CADPS2: variants seen among roughly 807,000 people sequenced by gnomAD.
CADPS2 encodes calcium dependent secretion activator 2.
CADPS2 carries 93 observed loss-of-function variants against 172.5 expected under a neutral mutation model. The observed-to-expected ratio is 0.54, with a 90% CI of 0.46 to 0.64. CADPS2 has a LOEUF of 0.64. Among genes scored for constraint, CADPS2 ranks in the 30% least tolerant of loss-of-function variants. The pLI, the probability that CADPS2 is intolerant of heterozygous loss-of-function variation, is 0.00. For missense variants in CADPS2, 1,420 were observed against 1,565.9 expected (o/e 0.91, Z 1.57); for synonymous variants, 546 against 555.2 (o/e 0.98, Z 0.23).
intron 6 of CADPS2, among the ~76,000 whole-genome samples, chr7:122,608,089 T>C (rs6944494): frequency 0.14 from 21,976 of 151,816 alleles, 1,740 homozygotes; most frequent in African/African-American, 0.2. Context: ...TGGTGGTGCA[T>C]GTCTGTAGTC....
chr7:122,679,435 A>T (rs2082775888), intron 2 of CADPS2, among the ~76,000 whole-genome samples: 3 of 152,044 alleles, frequency 2.0e-5, no homozygotes, highest in African/African-American at 7.2e-5. Flanking sequence ...GAATCCTGTT[A>T]AGATGTTTAT....
At chr7:122,427,736 T>C (rs185718695) in intron 17 of CADPS2, among the ~76,000 whole-genome samples, 83 of 152,296 alleles carry the variant, frequency 5.4e-4, no homozygotes, top group African/African-American at 1.9e-3. Context: ...TAACACTTTT[T>C]TTTTTCTAAG....
At chr7:122,618,043 C>CAAAAA (rs35600638) in intron 5 of CADPS2, among the ~76,000 whole-genome samples, 1 of 145,662 alleles carries the variant, frequency 6.9e-6, no homozygotes. Flanking sequence ...GATTCCATCT[C>CAAAAA]AAAAAAAAAA....
At chr7:122,520,362 T>G (rs2060690914) in intron 8 of CADPS2, among the ~76,000 whole-genome samples, 1 of 151,948 alleles carries the variant, frequency 6.6e-6, no homozygotes. Flanking sequence ...TTAAGTAGAT[T>G]CATATGTAAT....
At chr7:122,461,528 T>A (rs541801922) in intron 14 of CADPS2, among the ~76,000 whole-genome samples, 2 of 152,156 alleles carry the variant, frequency 1.3e-5, no homozygotes, top group African/African-American at 4.8e-5. Context: ...AAAAAAAGCA[T>A]CCAGAGGAAA....
chr7:122,760,732 T>C (rs2093350475), intron 1 of CADPS2, among the ~76,000 whole-genome samples: 1 of 147,956 alleles, frequency 6.8e-6, no homozygotes, highest in Non-Finnish European at 1.5e-5. Flanking sequence ...AAACACCGCA[T>C]GTTCTCACTC....
intron 7 of CADPS2, among the ~76,000 whole-genome samples, chr7:122,577,351 C>T (rs895820517): frequency 6.6e-6 from 1 of 152,112 alleles, no homozygotes; most frequent in African/African-American, 2.4e-5. Context: ...GACAACCCAC[C>T]TCAGCTCAAT....
At chr7:122,648,697 G>A (rs2078819732) in intron 3 of CADPS2, among the ~76,000 whole-genome samples, 1 of 152,256 alleles carries the variant, frequency 6.6e-6, no homozygotes, top group South Asian at 2.1e-4. Context: ...TTAGAGAGTA[G>A]GTAGTTCAGT....
chr7:122,855,732 T>A (rs1815009532), intron 1 of CADPS2, among the ~76,000 whole-genome samples: 1 of 152,184 alleles, frequency 6.6e-6, no homozygotes, highest in Admixed American at 6.5e-5. Flanking sequence ...TCTACATCTA[T>A]CTCGAGCCCT....
chr7:122,676,301 T>A (rs893478409), intron 2 of CADPS2, among the ~76,000 whole-genome samples: 2 of 152,228 alleles, frequency 1.3e-5, no homozygotes, highest in African/African-American at 4.8e-5. Flanking sequence ...CATAAAATTT[T>A]ATTAATGGCA....
intron 4 of CADPS2, among the ~76,000 whole-genome samples, chr7:122,625,856 A>G (rs898849824): frequency 6.6e-6 from 1 of 152,176 alleles, no homozygotes; most frequent in East Asian, 1.9e-4. Flanking sequence ...TATTATATAC[A>G]TATTTATTAT....
intron 15 of CADPS2, among the ~76,000 whole-genome samples, chr7:122,442,661 T>C (rs1256417466): frequency 6.6e-6 from 1 of 152,218 alleles, no homozygotes; most frequent in Non-Finnish European, 1.5e-5. Flanking sequence ...TAGAAGAGAT[T>C]GATTTCTCCT....
At chr7:122,758,849 A>C (rs1479436093) in intron 1 of CADPS2, among the ~76,000 whole-genome samples, 1 of 152,150 alleles carries the variant, frequency 6.6e-6, no homozygotes, top group Admixed American at 6.5e-5. Context: ...ACTAATCTTC[A>C]TCACCAGAGT....
intron 3 of CADPS2, among the ~76,000 whole-genome samples, chr7:122,655,683 C>T (rs191440299): frequency 1.8e-3 from 280 of 152,074 alleles, no homozygotes; most frequent in African/African-American, 6.0e-3. Context: ...ACAATATCTC[C>T]AAGGTATGCT....
At chr7:122,603,026 T>C (rs2073014276) in intron 6 of CADPS2, among the ~76,000 whole-genome samples, 1 of 152,014 alleles carries the variant, frequency 6.6e-6, no homozygotes, top group Non-Finnish European at 1.5e-5. Flanking sequence ...GCACTAGAGA[T>C]CCTTTGACGG....
chr7:122,838,561 A>T (rs1477296694), intron 1 of CADPS2, among the ~76,000 whole-genome samples: 3 of 152,232 alleles, frequency 2.0e-5, no homozygotes, highest in African/African-American at 7.2e-5. Context: ...CCTTAAGCTG[A>T]TAAGCAACTT....
chr7:122,582,995 T>A (rs1011095285), intron 6 of CADPS2, among the ~76,000 whole-genome samples: 1 of 151,936 alleles, frequency 6.6e-6, no homozygotes, highest in Non-Finnish European at 1.5e-5. Context: ...AAGAGAAAAG[T>A]GAACTTTGTC....
intron 6 of CADPS2, among the ~76,000 whole-genome samples, chr7:122,587,458 T>C (rs59716073): frequency 0.043 from 6,473 of 152,244 alleles, 146 homozygotes; most frequent in South Asian, 0.1. Context: ...TTCCTTTTTA[T>C]GGCTGTATGG....
At chr7:122,882,394 T>C (rs777877276) in intron 1 of CADPS2, among the ~76,000 whole-genome samples, 60 of 152,082 alleles carry the variant, frequency 3.9e-4, no homozygotes, top group Non-Finnish European at 7.6e-4. Flanking sequence ...TATTTCTAGT[T>C]AAAAAATACA....
Sources: gnomAD v4.1 joint callset for allele counts (sites outside exome capture counted in the v4.1 genomes callset) on GRCh38, gnomAD v4.1.1 for gene constraint, MANE v1.5 for transcripts, NCBI Gene and HGNC (gene_info 2026-07-23, HGNC 2026-07-21) for gene names.